NTRK2: variants seen among roughly 807,000 people sequenced by gnomAD.
The protein encoded by NTRK2 is neurotrophic receptor tyrosine kinase 2, also known as BDNF/NT-3 growth factors receptor.
A neutral mutation model predicts 94.5 loss-of-function variants in NTRK2; 13 were observed. The observed-to-expected ratio is 0.14, with a 90% CI of 0.09 to 0.22. NTRK2 has a LOEUF of 0.22. Ranked by LOEUF, NTRK2 falls within the 10% of genes least tolerant of loss-of-function variation. The pLI, the probability that NTRK2 is intolerant of heterozygous loss-of-function variation, is 1.00. For missense variants in NTRK2, 639 were observed against 1,071.2 expected (o/e 0.60, Z 5.63); for synonymous variants, 372 against 407.4 (o/e 0.91, Z 1.05).
intron 12 of NTRK2, among the ~76,000 whole-genome samples, chr9:84,855,023 C>A: frequency 7.0e-6 from 1 of 143,294 alleles, no homozygotes; most frequent in Non-Finnish European, 1.5e-5. Context: ...GCAAAGTGAG[C>A]AGGAATAGGA....
At chr9:84,768,209 A>G (rs999499093) in intron 12 of NTRK2, among the ~76,000 whole-genome samples, 2 of 152,232 alleles carry the variant, frequency 1.3e-5, no homozygotes, top group African/African-American at 4.8e-5. Flanking sequence ...AAGAAGTCTA[A>G]TCAGATTCAG....
intron 12 of NTRK2, among the ~76,000 whole-genome samples, chr9:84,755,000 C>A (rs1297708141): frequency 6.6e-6 from 1 of 152,158 alleles, no homozygotes; most frequent in Non-Finnish European, 1.5e-5. Flanking sequence ...TTAAGGTCAC[C>A]ACACTACAGC....
intron 17 of NTRK2, among the ~76,000 whole-genome samples, chr9:84,975,219 CCT>C (rs974234860): frequency 8.6e-5 from 13 of 152,040 alleles, no homozygotes; most frequent in South Asian, 2.1e-4. Context: ...TTTTTTCCCC[CCT>C]CTTTCCCAAA....
chr9:84,706,523 TTTTG>T (rs1446116691), intron 4 of NTRK2, among the ~76,000 whole-genome samples: 10 of 108,898 alleles, frequency 9.2e-5, no homozygotes, highest in Non-Finnish European at 1.5e-4. Context: ...TATTTTTTGT[TTTTG>T]TTTTTTTTTT....
intron 11 of NTRK2, among the ~76,000 whole-genome samples, chr9:84,748,911 GT>G (rs2064333538): frequency 6.6e-6 from 1 of 152,164 alleles, no homozygotes. Context: ...CTACCATTCT[GT>G]TTGTATATAG....
chr9:84,755,219 C>A (rs1435054334), intron 12 of NTRK2, among the ~76,000 whole-genome samples: 1 of 152,130 alleles, frequency 6.6e-6, no homozygotes, highest in African/African-American at 2.4e-5. Context: ...GGGTTTTGTT[C>A]CTTGTTCTGT....
At chr9:85,004,268 A>C (rs1255395721) in intron 17 of NTRK2, among the ~76,000 whole-genome samples, 1 of 152,044 alleles carries the variant, frequency 6.6e-6, no homozygotes, top group Non-Finnish European at 1.5e-5. Context: ...TTAAGTTGAA[A>C]ATAAATCATC....
intron 12 of NTRK2, among the ~76,000 whole-genome samples, chr9:84,858,090 A>G (rs932363647): frequency 2.0e-5 from 3 of 152,048 alleles, no homozygotes; most frequent in African/African-American, 7.2e-5. Context: ...TCAATTTGCA[A>G]TCAGTCACCA....
At chr9:84,933,608 G>A (rs575085796) in intron 14 of NTRK2, among the ~76,000 whole-genome samples, 1 of 152,210 alleles carries the variant, frequency 6.6e-6, no homozygotes, top group Non-Finnish European at 1.5e-5. Context: ...AAGGAAGTCA[G>A]TGAGGCCCAA....
At chr9:85,008,758 T>C (rs1831245983) in intron 17 of NTRK2, among the ~76,000 whole-genome samples, 1 of 152,198 alleles carries the variant, frequency 6.6e-6, no homozygotes, top group Admixed American at 6.5e-5. Flanking sequence ...AGAATGTACC[T>C]GGACCACAGC....
At position 84,691,169 on chromosome 9, in the gene NTRK2, C is replaced by T. The variant is rs189040567; in HGVS notation, c.213-10990C>T. Among the ~76,000 whole-genome samples the T allele has an allele frequency of 4.9e-4, 74 of 152,288 alleles. 2 individuals are homozygous for T. The highest frequency in any genetic ancestry group is 4.5e-3 in the Admixed American group (69 of 15,300). On this transcript the variant is annotated intron_variant, in intron 2 of 18. Coordinates refer to ENST00000277120, the MANE Select transcript of NTRK2 (RefSeq NM_006180.6). The stretch of plus-strand genomic sequence containing the variant: ...AATGCCTACTAATTCCACAGGAACA[C>T]AGATTTGTCTGGCAGTGTATTCCAA...
intron 2 of NTRK2, 68 bp from the exon 3 acceptor site, chr9:84,702,091 T>G: frequency 7.1e-7 from 1 of 1,409,266 alleles, no homozygotes; most frequent in Non-Finnish European, 1.0e-6. Flanking sequence ...GTGAGGTGGA[T>G]GGGAGTTCTT....
At chr9:84,831,491 G>A (rs1472703100) in intron 12 of NTRK2, among the ~76,000 whole-genome samples, 1 of 152,086 alleles carries the variant, frequency 6.6e-6, no homozygotes, top group Non-Finnish European at 1.5e-5. Context: ...GTACATTGGT[G>A]GTCAGTTACC....
At chr9:84,874,866 A>C (rs1324543987) in intron 14 of NTRK2, 1 of 1,058,118 alleles carries the variant, frequency 9.5e-7, no homozygotes, top group African/African-American at 1.6e-5. Flanking sequence ...TCCTAAACAG[A>C]CTGGAATGAG....
chr9:84,745,073 G>T lies in NTRK2; in HGVS notation c.1296G>T (p.Ser432=). 1 of 1,609,778 alleles carries T rather than the reference G, an allele frequency of 6.2e-7. No homozygotes were observed. Among genetic ancestry groups the T allele is most frequent in the African/African-American group, 1.3e-5 (1 of 74,890 alleles). ...VTDKTGREHL[S]VYAVVVIASV... ...ATAAAACCGGTCGGGAACATCTCTC[G>T]GTGAGTGGAATAAATAGGTGTCTGA... Residue 432 remains serine, a splice_region_variant and synonymous_variant, in exon 11 of 19, where the codon TCG becomes TCT. Coordinates refer to ENST00000277120, the MANE Select transcript of NTRK2 (RefSeq NM_006180.6).
In NTRK2 at chr9:84,706,043, G is replaced by T. The variant is rs115456845; in HGVS notation, c.360-1801G>T. On this transcript the variant is annotated intron_variant, in intron 4 of 18. Coordinates refer to ENST00000277120, the MANE Select transcript of NTRK2 (RefSeq NM_006180.6). ...AACCTCGGGTGATCCAACAGCCTTA[G>T]CTTCCCAAAGTGCTGGGATTACAGG... is the stretch of plus-strand genomic sequence containing the variant. Among the ~76,000 whole-genome samples the T allele has an allele frequency of 5.9e-3, 904 of 152,182 alleles. 9 individuals carry two copies. Among genetic ancestry groups the T allele is most frequent in the African/African-American group, 0.021 (868 of 41,528 alleles).
At chr9:84,708,491 T>C (rs1363170012) in intron 5 of NTRK2, among the ~76,000 whole-genome samples, 3 of 152,192 alleles carry the variant, frequency 2.0e-5, no homozygotes, top group African/African-American at 7.2e-5. Flanking sequence ...AGAAAACGTA[T>C]TGAAAGGTGT....
In NTRK2 at chr9:84,948,332, AC is replaced by A. The variant is rs1267142385; in HGVS notation, c.1765-129del. The A allele has an allele frequency of 3.1e-5, 29 of 941,046 alleles. No homozygotes were observed. The African/African-American group carries it at 4.6e-4, about 15-fold the overall frequency. 58.3% of individuals were successfully genotyped at this position (941,046 alleles called of 1,614,324 possible). A position where few individuals can be genotyped will look rare whatever the true frequency, so the allele number is the denominator to read the frequency against. ...AAGGAGTTATTCCTCAGTTATTAGC[AC>A]AAATGTTATTTCCTTAGGAACTAGG... On this transcript the variant is annotated intron_variant, in intron 15 of 18. Transcript: ENST00000277120.
chr9:84,806,998 G>A (rs562470987), intron 12 of NTRK2, among the ~76,000 whole-genome samples: 15 of 152,352 alleles, frequency 9.8e-5, no homozygotes, highest in East Asian at 3.9e-4. Flanking sequence ...ACCATGCCAC[G>A]CAGATGCTCA....
Sources: gnomAD v4.1 joint callset for allele counts (sites outside exome capture counted in the v4.1 genomes callset) on GRCh38, gnomAD v4.1.1 for gene constraint, MANE v1.5 for transcripts, NCBI Gene and HGNC (gene_info 2026-07-23, HGNC 2026-07-21) for gene names.